TENM4: variants seen among roughly 807,000 people sequenced by gnomAD.
TENM4 encodes teneurin transmembrane protein 4, also known as teneurin-4.
In TENM4, 82 loss-of-function variants were observed where a neutral mutation model predicts 243.3. That is an observed-to-expected ratio of 0.34 (90% CI 0.28 to 0.40). The LOEUF is 0.40. Among genes scored for constraint, TENM4 ranks in the 10% least tolerant of loss-of-function variants. TENM4 has a pLI of 1.00. For missense variants in TENM4, 3,138 were observed against 3,673.3 expected (o/e 0.85, Z 3.77); for synonymous variants, 1,412 against 1,456.3 (o/e 0.97, Z 0.69).
chr11:79,422,827 T>G (rs1237686690), intron 1 of TENM4, among the ~76,000 whole-genome samples: 1 of 152,178 alleles, frequency 6.6e-6, no homozygotes, highest in Non-Finnish European at 1.5e-5. Context: ...TGGGCTTCTA[T>G]TTTGGCTCTT....
chr11:78,833,852 C>T (rs1858037883), intron 12 of TENM4, among the ~76,000 whole-genome samples: 1 of 152,148 alleles, frequency 6.6e-6, no homozygotes, highest in African/African-American at 2.4e-5. Context: ...AATAATTTCC[C>T]CTCAGAATTC....
intron 4 of TENM4, among the ~76,000 whole-genome samples, chr11:79,098,736 G>A (rs936788805): frequency 3.9e-5 from 6 of 152,188 alleles, no homozygotes; most frequent in Admixed American, 6.5e-5. Flanking sequence ...CAGACCTTCC[G>A]TCTGGAAAAT....
chr11:78,872,320 A>G (rs894375284), intron 9 of TENM4, among the ~76,000 whole-genome samples: 1 of 152,218 alleles, frequency 6.6e-6, no homozygotes, highest in African/African-American at 2.4e-5. Context: ...GCTTAAACCT[A>G]GTACAATGCC....
In TENM4 at chr11:78,870,565, G is replaced by A. The variant is rs1859095032; in HGVS notation, c.1085-7433C>T. 2.0e-5 allele frequency among the ~76,000 whole-genome samples: 3 copies of A among 152,144 alleles called. No homozygotes were observed. In the South Asian group the frequency reaches 6.2e-4, roughly 32 times the overall value. ...TTTCCTCCTGTCTCTGGAAAAACTT[G>A]GCTGCAATAATCAGGGCTACTGTCT... On this transcript the variant is annotated intron_variant, in intron 9 of 33. Transcript: ENST00000278550.
At chr11:79,036,562 T>C (rs1248738828) in intron 6 of TENM4, among the ~76,000 whole-genome samples, 1 of 151,922 alleles carries the variant, frequency 6.6e-6, no homozygotes, top group Non-Finnish European at 1.5e-5. Flanking sequence ...AAGGGAGCAG[T>C]AGTGAGGGGC....
At chr11:79,364,619 T>C (rs1857645432) in intron 1 of TENM4, among the ~76,000 whole-genome samples, 1 of 152,256 alleles carries the variant, frequency 6.6e-6, no homozygotes, top group African/African-American at 2.4e-5. Flanking sequence ...TAAACATCTG[T>C]TACATGACAT....
At chr11:79,432,218 C>A (rs1859183792) in intron 1 of TENM4, among the ~76,000 whole-genome samples, 1 of 152,172 alleles carries the variant, frequency 6.6e-6, no homozygotes, top group Non-Finnish European at 1.5e-5. Flanking sequence ...TACCACATTT[C>A]TTTCAAGGCA....
chr11:79,087,262 T>G (rs1424505334), intron 4 of TENM4, among the ~76,000 whole-genome samples: 1 of 152,216 alleles, frequency 6.6e-6, no homozygotes, highest in Non-Finnish European at 1.5e-5. Context: ...TTCTTTTGAC[T>G]CTGAGTGCAG....
intron 1 of TENM4, among the ~76,000 whole-genome samples, chr11:79,409,243 G>A (rs916602600): frequency 6.6e-6 from 1 of 152,102 alleles, no homozygotes; most frequent in Middle Eastern, 3.4e-3. Flanking sequence ...AATTGGCATT[G>A]GAGCTAAAAA....
intron 4 of TENM4, among the ~76,000 whole-genome samples, chr11:79,076,218 C>T (rs891313573): frequency 6.6e-6 from 1 of 152,202 alleles, no homozygotes; most frequent in African/African-American, 2.4e-5. Flanking sequence ...ATCAAGTTCA[C>T]ACAGCCAGTA....
chr11:79,283,663 A>ACTG (rs779853928), intron 2 of TENM4, among the ~76,000 whole-genome samples: 38 of 152,214 alleles, frequency 2.5e-4, no homozygotes, highest in East Asian at 1.9e-4. Context: ...AGGCAAGGTG[A>ACTG]CTGCTCTCAT....
chr11:79,431,941 C>T (rs753736416), intron 1 of TENM4, among the ~76,000 whole-genome samples: 2 of 152,094 alleles, frequency 1.3e-5, no homozygotes, highest in East Asian at 1.9e-4. Context: ...CAACCTTAAT[C>T]GAATGTCTTA....
At chr11:79,373,426 C>T (rs1857828332) in intron 1 of TENM4, among the ~76,000 whole-genome samples, 1 of 149,940 alleles carries the variant, frequency 6.7e-6, no homozygotes, top group South Asian at 2.1e-4. Flanking sequence ...GACTGGCTGG[C>T]TGGCTGGATG....
intron 2 of TENM4, among the ~76,000 whole-genome samples, chr11:79,243,198 A>G (rs1186327073): frequency 1.3e-5 from 2 of 151,850 alleles, no homozygotes; most frequent in Middle Eastern, 3.4e-3. Flanking sequence ...GAGGCAGGGA[A>G]CAGGGGAGGA....
chr11:78,923,448 T>G (rs923864473), intron 6 of TENM4, among the ~76,000 whole-genome samples: 2 of 152,190 alleles, frequency 1.3e-5, no homozygotes, highest in African/African-American at 2.4e-5. Flanking sequence ...AATGAGTGTT[T>G]CAGGAATGAG....
At chr11:79,194,201 A>T (rs543391496) in intron 3 of TENM4, among the ~76,000 whole-genome samples, 1 of 151,936 alleles carries the variant, frequency 6.6e-6, no homozygotes, top group African/African-American at 2.4e-5. Flanking sequence ...GCCTCCCCAG[A>T]CATGTGGAAC....
intron 4 of TENM4, among the ~76,000 whole-genome samples, chr11:79,105,452 C>T (rs1366475042): frequency 6.6e-6 from 1 of 152,234 alleles, no homozygotes; most frequent in Non-Finnish European, 1.5e-5. Context: ...CAGCTCTGCC[C>T]TGCCTGCCTT....
intron 6 of TENM4, among the ~76,000 whole-genome samples, chr11:79,012,173 C>T (rs975491181): frequency 6.6e-6 from 1 of 152,266 alleles, no homozygotes; most frequent in South Asian, 2.1e-4. Flanking sequence ...GCACAATTTC[C>T]AGATATTTGA....
chr11:79,090,989 G>A (rs1311558016), intron 4 of TENM4, among the ~76,000 whole-genome samples: 1 of 152,172 alleles, frequency 6.6e-6, no homozygotes. Context: ...GCTTTTTGGG[G>A]TGGCTGATAC....
Sources: allele counts gnomAD v4.1 joint callset (sites outside exome capture counted in the v4.1 genomes callset), GRCh38; gene constraint gnomAD v4.1.1; transcripts MANE v1.5; gene names NCBI Gene and HGNC (gene_info 2026-07-23, HGNC 2026-07-21).